NWD1: variants seen among roughly 807,000 people sequenced by gnomAD.
NWD1 encodes NACHT domain- and WD repeat-containing protein 1.
Under a neutral mutation model 135.1 loss-of-function variants are expected in NWD1, and 129 were observed. That is an observed-to-expected ratio of 0.96 (90% CI 0.83 to 1.11). The LOEUF (loss-of-function observed/expected upper bound fraction) is 1.11. Among genes scored for constraint, NWD1 ranks in the 50% least tolerant of loss-of-function variants. NWD1 has a pLI of 0.00. For missense variants in NWD1, 1,740 were observed against 1,851.3 expected, an observed-to-expected ratio of 0.94 and a Z score of 1.10; for synonymous variants, 773 against 786.0, an observed-to-expected ratio of 0.98 and a Z score of 0.28.
chr19:16,783,685 TAAAATAA>T (rs1415887112), intron 12 of NWD1, among the ~76,000 whole-genome samples: 2 of 149,142 alleles, frequency 1.3e-5, no homozygotes. Context: ...AATAAAATAA[TAAAATAA>T]AAAATAAATA....
chr19:16,758,665 C>T (rs1249488976), intron 6 of NWD1, among the ~76,000 whole-genome samples: 1 of 152,052 alleles, frequency 6.6e-6, no homozygotes. Context: ...CCTTGAGTTA[C>T]CACTTCCCTC....
In NWD1 at chr19:16,815,162, C is replaced by G. The variant is rs558683385; in HGVS notation, c.*123C>G. 1 of 987,288 alleles carries G rather than the reference C, an allele frequency of 1.0e-6. No homozygotes were observed. The highest frequency in any genetic ancestry group is 1.6e-6 in the Non-Finnish European group (1 of 607,070). The allele number at this position is 987,288 out of a possible 1,614,324, so 61.2% of individuals were successfully genotyped here. A position where few individuals can be genotyped will look rare whatever the true frequency, so the allele number is the denominator to read the frequency against. On this transcript the variant is annotated 3_prime_UTR_variant, in exon 19 of 19. Coordinates refer to ENST00000524140, the MANE Select transcript of NWD1 (RefSeq NM_001007525.5). ...CCAGTGCCTTTCAGCAAAAGCCTCA[C>G]CGCAGGACCCTCTTAAGAACTTCAA...
chr19:16,739,281 C>T (rs1489521739), intron 4 of NWD1, among the ~76,000 whole-genome samples: 1 of 135,136 alleles, frequency 7.4e-6, no homozygotes, highest in Non-Finnish European at 1.5e-5. Flanking sequence ...CACTTGAGCC[C>T]AGGAGTTCAA....
intron 5 of NWD1, among the ~76,000 whole-genome samples, chr19:16,747,054 TG>T (rs1367360239): frequency 6.7e-6 from 1 of 150,222 alleles, no homozygotes; most frequent in Non-Finnish European, 1.5e-5. Context: ...TTTTTTTTTT[TG>T]AGATGGAGTC....
In NWD1 at chr19:16,815,437, C is replaced by T; in HGVS notation, c.*398C>T. On this transcript the variant is annotated 3_prime_UTR_variant, in exon 19 of 19. Coordinates refer to ENST00000524140, the MANE Select transcript of NWD1 (RefSeq NM_001007525.5). Reference sequence around the variant, plus strand: ...ACGTTTGCTGGTGTATATCTGGACCCATGGCTTCAGATTATGGCTTCAGAC... The same window carrying T: ...ACGTTTGCTGGTGTATATCTGGACCTATGGCTTCAGATTATGGCTTCAGAC... 1.7e-6 allele frequency: 1 copy of T among 605,576 alleles called. No homozygotes were observed. The highest frequency in any genetic ancestry group is 2.1e-5 in the South Asian group (1 of 48,540). 37.5% of individuals were successfully genotyped at this position (605,576 alleles called of 1,614,324 possible). A position where few individuals can be genotyped will look rare whatever the true frequency, so the allele number is the denominator to read the frequency against.
chr19:16,783,895 A>C (rs1174503929), intron 12 of NWD1, among the ~76,000 whole-genome samples: 1 of 152,098 alleles, frequency 6.6e-6, no homozygotes, highest in African/African-American at 2.4e-5. Flanking sequence ...TAGGTATTGT[A>C]AGTAACCTAG....
intron 15 of NWD1, among the ~76,000 whole-genome samples, chr19:16,795,373 G>A (rs1429213532): frequency 1.3e-5 from 2 of 151,752 alleles, no homozygotes; most frequent in African/African-American, 2.4e-5. Context: ...AGGGGTCCAC[G>A]ACCCTGAAGC....
rs961858858 is a variant in NWD1, at chr19:16,749,879, G to A, written c.1237G>A (p.Val413Met). 2 of 1,613,430 alleles carry A rather than the reference G, an allele frequency of 1.2e-6. No homozygotes were observed. Among genetic ancestry groups the A allele is most frequent in the East Asian group, 2.2e-5 (1 of 44,878 alleles). ...CCAGGTTCTGGACGCCCACACCAGG[G>A]TGGTCCAGTTTTTCCATACCCTCCT... is the stretch of plus-strand genomic sequence containing the variant. ...PAQVLDAHTR[V>M]VQFFHTLLHT... The change falls in exon 6 of 19, where the codon GTG becomes ATG. Residue 413 changes from valine to methionine, a missense_variant. Val to Met is a conservative substitution (Grantham distance 21, BLOSUM62 1). Coordinates refer to ENST00000524140, the MANE Select transcript of NWD1 (RefSeq NM_001007525.5).
In NWD1 at chr19:16,807,648, C is replaced by A; in HGVS notation, c.3799C>A (p.Arg1267Ser). 6.3e-7 allele frequency: 1 copy of A among 1,588,356 alleles called. No individual in the cohort carries two copies. The highest frequency in any genetic ancestry group is 8.6e-7 in the Non-Finnish European group (1 of 1,168,538). ...CAGGTGTCTGGAGGTTGCTGAGCAG[C>A]GCAAGCTCCTATTTACGGGCCTCGT... ...EIRCLEVAEQRKLLFTGLVSG... is the reference protein window; with the variant it reads ...EIRCLEVAEQSKLLFTGLVSG... Residue 1267 changes from arginine to serine, a missense_variant, in exon 18 of 19, where the codon CGC becomes AGC. Coordinates refer to ENST00000524140, the MANE Select transcript of NWD1 (RefSeq NM_001007525.5).
intron 13 of NWD1, among the ~76,000 whole-genome samples, chr19:16,790,737 A>G (rs1256327818): frequency 1.3e-5 from 2 of 152,164 alleles, no homozygotes; most frequent in African/African-American, 2.4e-5. Context: ...TAAAAATAAT[A>G]TAAACCATCT....
At chr19:16,772,696 G>A (rs1969458043) in intron 10 of NWD1, among the ~76,000 whole-genome samples, 1 of 151,948 alleles carries the variant, frequency 6.6e-6, no homozygotes, top group African/African-American at 2.4e-5. Context: ...TTAGCTGAGT[G>A]TGGTGGCGCA....
intron 12 of NWD1, among the ~76,000 whole-genome samples, chr19:16,786,488 C>G (rs759609414): frequency 1.6e-4 from 24 of 152,008 alleles, no homozygotes; most frequent in Non-Finnish European, 3.2e-4. Flanking sequence ...GCCCTTGACC[C>G]TCTTCCTCCT....
At chr19:16,752,836 G>A (rs1599468569) in intron 6 of NWD1, among the ~76,000 whole-genome samples, 1 of 151,994 alleles carries the variant, frequency 6.6e-6, no homozygotes, top group African/African-American at 2.4e-5. Flanking sequence ...CTGCCTCAGT[G>A]AAAAGTAAAA....
chr19:16,805,731 C>T (rs1970728199), intron 17 of NWD1, among the ~76,000 whole-genome samples: 1 of 152,192 alleles, frequency 6.6e-6, no homozygotes, highest in South Asian at 2.1e-4. Flanking sequence ...ACCCCCAGAG[C>T]TTTGCCTAGT....
In NWD1 at chr19:16,813,444, G is replaced by A. The variant is rs113678805; in HGVS notation, c.4288-1584G>A. Among the ~76,000 whole-genome samples, 681 of 151,964 alleles carry A rather than the reference G, an allele frequency of 4.5e-3. 3 individuals are homozygous for A. The highest frequency in any genetic ancestry group is 0.015 in the African/African-American group (614 of 41,464). On this transcript the variant is annotated intron_variant, in intron 18 of 18. Transcript: ENST00000524140. Reference sequence around the variant, plus strand: ...GGGTCTTATTTCATTCTTTGCCCCCGCCTTATAGATGTTAGAAGCAGCCTG... The same window carrying A: ...GGGTCTTATTTCATTCTTTGCCCCCACCTTATAGATGTTAGAAGCAGCCTG...
intron 17 of NWD1, among the ~76,000 whole-genome samples, chr19:16,805,682 C>T (rs1397307565): frequency 6.6e-6 from 1 of 152,070 alleles, no homozygotes; most frequent in Admixed American, 6.6e-5. Flanking sequence ...CAAACAAGCA[C>T]CTCGAGAATT....
rs1387420939 is a variant in NWD1, at chr19:16,750,414, A to G, written c.1769+3A>G. 1 of 1,541,810 alleles carries G rather than the reference A, an allele frequency of 6.5e-7. No individual in the cohort carries two copies. Among genetic ancestry groups the G allele is most frequent in the South Asian group, 1.2e-5 (1 of 82,738 alleles). On this transcript the variant is annotated splice_donor_region_variant and intron_variant, in intron 6 of 18. Coordinates refer to ENST00000524140, the MANE Select transcript of NWD1 (RefSeq NM_001007525.5). ...CTGGGCTACATTGTGTCTTCCCGGT[A>G]AGTCTCTGTGTTTTGAAACTCTTAT...
rs766558513 is a variant in NWD1 at position 16,810,882 on chromosome 19, T to C, written c.4287+2746T>C. On this transcript the variant is annotated intron_variant, in intron 18 of 18. Transcript: ENST00000524140. Reference sequence around the variant, plus strand: ...TTGTTATTTATTCATTTATTTATTTTTGAGGCAGGGTCTTACTCTGTGAGC... The same window carrying C: ...TTGTTATTTATTCATTTATTTATTTCTGAGGCAGGGTCTTACTCTGTGAGC... Among the ~76,000 whole-genome samples, 7 of 152,246 alleles carry C rather than the reference T, an allele frequency of 4.6e-5. No homozygotes were observed. In the South Asian group the frequency reaches 6.2e-4, roughly 13 times the overall value.
chr19:16,802,145 G>C (rs1457900329), intron 17 of NWD1, among the ~76,000 whole-genome samples: 3 of 151,756 alleles, frequency 2.0e-5, no homozygotes, highest in Non-Finnish European at 4.4e-5. Flanking sequence ...TTAGCCGGAC[G>C]TGGTGGCGGG....
Sources: allele counts gnomAD v4.1 joint callset (sites outside exome capture counted in the v4.1 genomes callset), GRCh38; gene constraint gnomAD v4.1.1; transcripts MANE v1.5; gene names NCBI Gene and HGNC (gene_info 2026-07-23, HGNC 2026-07-21).